Variants in DZANK1 observed in about 807,000 individuals in gnomAD.
The protein encoded by DZANK1 is double zinc ribbon and ankyrin repeat domains 1, also known as double zinc ribbon and ankyrin repeat-containing protein 1.
Under a neutral mutation model 94.5 loss-of-function variants are expected in DZANK1, and 91 were observed. That is an observed-to-expected ratio of 0.96 (90% CI 0.81 to 1.15). DZANK1 has a LOEUF of 1.15. Ranked by LOEUF, DZANK1 falls within the 50% of genes most tolerant of loss-of-function variation. DZANK1 has a pLI of 0.00. For missense variants in DZANK1, 903 were observed against 916.4 expected (o/e 0.99, Z 0.19); for synonymous variants, 312 against 325.3 (o/e 0.96, Z 0.44).
rs1402596555 is a variant in DZANK1, at chr20:18,452,505, T to A, written c.543+110A>T. The A allele has an allele frequency of 3.9e-6, 5 of 1,281,506 alleles. No homozygotes were observed. The African/African-American group carries it at 6.0e-5, about 15-fold the overall frequency. The allele number at this position is 1,281,506 out of a possible 1,614,324, so 79.4% of individuals were successfully genotyped here. A position where few individuals can be genotyped will look rare whatever the true frequency, so the allele number is the denominator to read the frequency against. ...TACAGTATTCCCAGCACTAGAACAG[T>A]GCCTGGCACATGGTCAAAAGTGGGG... On this transcript the variant is annotated intron_variant, in intron 6 of 20. Coordinates refer to ENST00000262547, the Ensembl canonical transcript of DZANK1.
chr20:18,390,036 C>A (rs951262673), intron 18 of DZANK1, among the ~76,000 whole-genome samples: 8 of 152,148 alleles, frequency 5.3e-5, no homozygotes, highest in Admixed American at 2.6e-4. Flanking sequence ...AACTTCTGTT[C>A]CCCACATGGG....
intron 10 of DZANK1, among the ~76,000 whole-genome samples, chr20:18,422,112 G>A (rs1014238076): frequency 2.6e-5 from 4 of 151,908 alleles, no homozygotes; most frequent in Non-Finnish European, 5.9e-5. Flanking sequence ...GTGCTTTGGG[G>A]GTCATATCCG....
intron 19 of DZANK1, among the ~76,000 whole-genome samples, chr20:18,387,460 TA>T (rs1429173498): frequency 5.3e-5 from 8 of 152,228 alleles, no homozygotes; most frequent in African/African-American, 1.9e-4. Flanking sequence ...TTAAATTACC[TA>T]ATGGAATAAA....
chr20:18,390,604 A>G lies in DZANK1; in HGVS notation c.1810-145T>C, dbSNP rs550374891. On this transcript the variant is annotated intron_variant, in intron 17 of 20. Coordinates refer to ENST00000262547, the Ensembl canonical transcript of DZANK1. ...TGTGAGTGTGTGAGTGGTCTTTAAT[A>G]GCCCACAGCACAAATATCCACATCT... The G allele has an allele frequency of 3.6e-4, 247 of 695,648 alleles. No individual in the cohort carries two copies. The African/African-American group carries it at 3.9e-3, about 11-fold the overall frequency. The allele number at this position is 695,648 out of a possible 1,614,324, so 43.1% of individuals were successfully genotyped here. A position where few individuals can be genotyped will look rare whatever the true frequency, so the allele number is the denominator to read the frequency against.
intron 15 of DZANK1, chr20:18,394,846 T>A (rs1332390761): frequency 8.8e-6 from 4 of 456,706 alleles, no homozygotes; most frequent in Non-Finnish European, 1.8e-5. Flanking sequence ...TCTCTGAGCC[T>A]CAGTTTCCTC....
At chr20:18,407,523 A>T (rs1200335443) in intron 13 of DZANK1, among the ~76,000 whole-genome samples, 1 of 152,250 alleles carries the variant, frequency 6.6e-6, no homozygotes, top group Non-Finnish European at 1.5e-5. Context: ...ACTGAAGAGC[A>T]TCTACAAGCA....
At chr20:18,383,603 G>C (rs2048313747) in exon 21 of DZANK1, 1 of 152,158 alleles carries the variant, frequency 6.6e-6, no homozygotes. Context: ...ATGTGCTACA[G>C]ACATGTTTAT....
At chr20:18,396,709 G>A (rs74805733) in intron 14 of DZANK1, among the ~76,000 whole-genome samples, 163 bp from the exon 15 acceptor site, 12,890 of 152,130 alleles carry the variant, frequency 0.085, 586 homozygotes, top group East Asian at 0.13. Flanking sequence ...AAAACTAGAC[G>A]AGATAAATAG....
chr20:18,425,319 G>C (rs1024540431), intron 10 of DZANK1, among the ~76,000 whole-genome samples: 1 of 152,202 alleles, frequency 6.6e-6, no homozygotes, highest in Non-Finnish European at 1.5e-5. Flanking sequence ...TTGTGGGGCC[G>C]AGTTGGGCGG....
intron 16 of DZANK1, 24 bp downstream of exon 16, chr20:18,394,230 A>T: frequency 6.2e-7 from 1 of 1,605,146 alleles, no homozygotes; most frequent in South Asian, 1.1e-5. Flanking sequence ...GTTGTTTTAA[A>T]ATTGCCAGAA....
At position 18,416,646 on chromosome 20, in the gene DZANK1, G is replaced by A. The variant is rs73902461; in HGVS notation, c.955-1197C>T. ...CACTCTATCTGCCCAGCTCTATCCC[G>A]TTTTGCTTCAGGGACCGCTCTGTTA... is the stretch of plus-strand genomic sequence containing the variant. On this transcript the variant is annotated intron_variant, in intron 10 of 20. Transcript: ENST00000262547. Among the ~76,000 whole-genome samples, 1,114 of 152,108 alleles carry A rather than the reference G, an allele frequency of 7.3e-3. 15 individuals are homozygous for A. The highest frequency in any genetic ancestry group is 0.026 in the African/African-American group (1,078 of 41,476).
intron 19 of DZANK1, among the ~76,000 whole-genome samples, chr20:18,387,200 T>C (rs2048550022): frequency 6.6e-6 from 1 of 152,172 alleles, no homozygotes; most frequent in African/African-American, 2.4e-5. Flanking sequence ...ACTTAAGATC[T>C]TCTTTCTTCA....
intron 13 of DZANK1, among the ~76,000 whole-genome samples, chr20:18,410,414 C>G (rs1178982170): frequency 1.3e-5 from 2 of 151,930 alleles, no homozygotes; most frequent in Admixed American, 1.3e-4. Context: ...AAGGAAATAA[C>G]TCAAAGTATG....
chr20:18,420,169 T>G lies in DZANK1; in HGVS notation c.955-4720A>C, dbSNP rs184959352. ...AAATTGCTAATAATGGTCAGTGTTT[T>G]AAAGTCTCCAAAGCTTTATGCCTCA... On this transcript the variant is annotated intron_variant, in intron 10 of 20. Coordinates refer to ENST00000262547, the Ensembl canonical transcript of DZANK1. 1.9e-4 allele frequency: 39 copies of G among 201,912 alleles called. 2 individuals are homozygous for G. The highest frequency in any genetic ancestry group is 7.9e-4 in the African/African-American group (34 of 43,044). 12.5% of individuals were successfully genotyped at this position (201,912 alleles called of 1,614,324 possible). A position where few individuals can be genotyped will look rare whatever the true frequency, so the allele number is the denominator to read the frequency against.
intron 10 of DZANK1, among the ~76,000 whole-genome samples, chr20:18,423,241 T>C (rs1312616186): frequency 6.6e-6 from 1 of 152,228 alleles, no homozygotes; most frequent in East Asian, 1.9e-4. Flanking sequence ...CATGCCATGA[T>C]GCTAACACAA....
chr20:18,465,190 G>T, intron 2 of DZANK1, 60 bp downstream of exon 2: 1 of 1,153,862 alleles, frequency 8.7e-7, no homozygotes, highest in South Asian at 1.5e-5. Flanking sequence ...CCAGCAACCA[G>T]ATAACACAAG....
intron 10 of DZANK1, among the ~76,000 whole-genome samples, chr20:18,424,539 A>C (rs927091899): frequency 9.8e-5 from 15 of 152,318 alleles, no homozygotes; most frequent in Middle Eastern, 3.4e-3. Flanking sequence ...TGATGCAGAG[A>C]AACTGGAACC....
At position 18,390,376 on chromosome 20, in the gene DZANK1, T is replaced by A; in HGVS notation, c.1890+3A>T. On this transcript the variant is annotated splice_donor_region_variant and intron_variant, in intron 18 of 20. Coordinates refer to ENST00000262547, the Ensembl canonical transcript of DZANK1. ...AGAGACTGGCTCCTTTGGCAACACT[T>A]ACCTCATCCAGCAGCTGTTCAATCA... The A allele has an allele frequency of 6.2e-7, 1 of 1,613,802 alleles. No homozygotes were observed. The highest frequency in any genetic ancestry group is 8.5e-7 in the Non-Finnish European group (1 of 1,179,730).
chr20:18,427,701 A>G (rs1355471512), intron 9 of DZANK1, among the ~76,000 whole-genome samples: 3 of 152,180 alleles, frequency 2.0e-5, no homozygotes, highest in Non-Finnish European at 1.5e-5. Context: ...AACAGTAAAC[A>G]GAAAGACCCT....
Sources: gnomAD v4.1 joint callset for allele counts (sites outside exome capture counted in the v4.1 genomes callset) on GRCh38, gnomAD v4.1.1 for gene constraint, MANE v1.5 for transcripts, NCBI Gene and HGNC (gene_info 2026-07-23, HGNC 2026-07-21) for gene names.